Variants in WIPI2 observed in about 807,000 individuals in gnomAD.
The protein encoded by WIPI2 is WD repeat domain phosphoinositide-interacting protein 2.
WIPI2 carries 28 observed loss-of-function variants against 52.3 expected under a neutral mutation model. That is an observed-to-expected ratio of 0.54 (90% confidence interval 0.40 to 0.73). The LOEUF (loss-of-function observed/expected upper bound fraction) is 0.73, where lower values mean the gene tolerates loss of function less well. Ranked by LOEUF, WIPI2 falls within the 30% of genes least tolerant of loss-of-function variation. The pLI, the probability that WIPI2 is intolerant of heterozygous loss-of-function variation, is 0.00. For synonymous variants in WIPI2, 268 were observed against 245.0 expected (o/e 1.09, Z -0.88); for missense variants, 506 against 602.9 (o/e 0.84, Z 1.68).
intron 9 of WIPI2, 187 bp downstream of exon 9, chr7:5,226,117 A>G: frequency 1.7e-6 from 1 of 604,524 alleles, no homozygotes; most frequent in Non-Finnish European, 3.0e-6. Context: ...GGGCCCCAGC[A>G]GATGAGCTTC....
intron 2 of WIPI2, among the ~76,000 whole-genome samples, chr7:5,193,895 T>A (rs1166634743): frequency 6.6e-6 from 1 of 152,134 alleles, no homozygotes; most frequent in Non-Finnish European, 1.5e-5. Flanking sequence ...GTTTCTAAGA[T>A]CCTTCACCCT....
At chr7:5,197,231 C>G (rs909134525) in intron 2 of WIPI2, among the ~76,000 whole-genome samples, 7 of 151,584 alleles carry the variant, frequency 4.6e-5, no homozygotes, top group African/African-American at 1.7e-4. Context: ...ACTTGTCATC[C>G]CTTGTTTTAA....
chr7:5,203,926 T>C lies in WIPI2; in HGVS notation c.211+4268T>C, dbSNP rs561555858. On this transcript the variant is annotated intron_variant, in intron 3 of 12. Coordinates refer to ENST00000288828, the MANE Select transcript of WIPI2 (RefSeq NM_015610.4). ...GCGTGAGCCACCACACCCTGCCACG[T>C]TCAGTCTTTCTTAGTGTCAGCGTGA... is the stretch of plus-strand genomic sequence containing the variant. Among the ~76,000 whole-genome samples the C allele has an allele frequency of 2.0e-4, 30 of 152,132 alleles. No homozygotes were observed. The South Asian group carries it at 5.4e-3, about 27-fold the overall frequency.
chr7:5,216,528 G>A, intron 4 of WIPI2, 35 bp from the exon 5 acceptor site: 1 of 1,588,756 alleles, frequency 6.3e-7, no homozygotes, highest in Non-Finnish European at 8.6e-7. Flanking sequence ...ACTGGCCGTT[G>A]CTTCACGTTT....
chr7:5,202,348 T>C (rs575618268), intron 3 of WIPI2, among the ~76,000 whole-genome samples: 1 of 152,356 alleles, frequency 6.6e-6, no homozygotes, highest in South Asian at 2.1e-4. Flanking sequence ...TTGCAGGAAC[T>C]GCCAGATAGG....
intron 3 of WIPI2, among the ~76,000 whole-genome samples, chr7:5,209,745 C>G (rs1782460988): frequency 6.6e-6 from 1 of 152,028 alleles, no homozygotes; most frequent in African/African-American, 2.4e-5. Context: ...AGGTGACCAG[C>G]CCCCTAAGTG....
chr7:5,216,732 A>G, intron 5 of WIPI2, 73 bp downstream of exon 5: 1 of 1,469,648 alleles, frequency 6.8e-7, no homozygotes, highest in Non-Finnish European at 9.4e-7. Flanking sequence ...GGTGAGAGAG[A>G]TTTTTTCTTT....
At chr7:5,199,535 G>A in intron 2 of WIPI2, 41 bp from the exon 3 acceptor site, 1 of 1,565,658 alleles carries the variant, frequency 6.4e-7, no homozygotes, top group Non-Finnish European at 8.7e-7. Flanking sequence ...GTCACTGTCT[G>A]CACGTATCAG....
rs571486982 is a variant in WIPI2, at chr7:5,216,466, G to C, written c.382-97G>C. 3.9e-5 allele frequency: 36 copies of C among 919,174 alleles called. No individual in the cohort carries two copies. In the African/African-American group the frequency reaches 4.3e-4, roughly 11 times the overall value. 56.9% of individuals were successfully genotyped at this position (919,174 alleles called of 1,614,324 possible). On this transcript the variant is annotated intron_variant, in intron 4 of 12. Coordinates refer to ENST00000288828, the MANE Select transcript of WIPI2 (RefSeq NM_015610.4). Reference sequence around the variant, plus strand: ...AAAATACAATAACAATAGAAGGAATGAGAGCGTCATAGTCCAGGAGTCAGT... The same window carrying C: ...AAAATACAATAACAATAGAAGGAATCAGAGCGTCATAGTCCAGGAGTCAGT...
intron 7 of WIPI2, among the ~76,000 whole-genome samples, chr7:5,221,217 C>T (rs115506057): frequency 0.023 from 3,566 of 152,082 alleles, 137 homozygotes; most frequent in African/African-American, 0.081. Flanking sequence ...TCACCTCGGG[C>T]TCCCAAAGCT....
intron 5 of WIPI2, 132 bp from the exon 6 acceptor site, chr7:5,216,958 A>T (rs1482833138): frequency 9.9e-7 from 1 of 1,008,740 alleles, no homozygotes; most frequent in Non-Finnish European, 1.5e-6. Flanking sequence ...TTCCTAACAC[A>T]GCAAACAAGA....
chr7:5,192,971 A>G (rs955188134), intron 1 of WIPI2, 147 bp from the exon 2 acceptor site: 7 of 699,658 alleles, frequency 1.0e-5, no homozygotes, highest in African/African-American at 1.8e-5. Flanking sequence ...TATTTGTTAC[A>G]TACCAAACTA....
At position 5,229,731 on chromosome 7, in the gene WIPI2, G is replaced by A. The variant is rs34951500; in HGVS notation, c.1245G>A (p.Thr415=). Residue 415 remains threonine (T), a synonymous_variant, in exon 12 of 13, where the codon ACG becomes ACA. Coordinates refer to ENST00000288828, the MANE Select transcript of WIPI2 (RefSeq NM_015610.4). ...GKGTYVPSSP[T]RLAYTDDLGA... is the part of the protein sequence containing the mutation. Reference sequence around the variant, plus strand: ...GTACTTACGTGCCTTCATCCCCAACGAGACTTGGTAAGGGGCGTGACGCAA... The same window carrying A: ...GTACTTACGTGCCTTCATCCCCAACAAGACTTGGTAAGGGGCGTGACGCAA... 15 of 1,613,676 alleles carry A rather than the reference G, an allele frequency of 9.3e-6. No individual in the cohort carries two copies. The highest frequency in any genetic ancestry group is 4.0e-5 in the African/African-American group (3 of 74,884).
At chr7:5,202,687 C>G (rs1045546929) in intron 3 of WIPI2, among the ~76,000 whole-genome samples, 1 of 152,184 alleles carries the variant, frequency 6.6e-6, no homozygotes, top group African/African-American at 2.4e-5. Context: ...CATCCAGCCT[C>G]TCATATGATC....
At chr7:5,216,755 C>A in intron 5 of WIPI2, 96 bp downstream of exon 5, 1 of 1,162,188 alleles carries the variant, frequency 8.6e-7, no homozygotes, top group Non-Finnish European at 1.2e-6. Flanking sequence ...ATAGGTTCCG[C>A]AGATGAGACA....
At chr7:5,222,708 G>A in intron 8 of WIPI2, 36 bp downstream of exon 8, 1 of 1,567,888 alleles carries the variant, frequency 6.4e-7, no homozygotes, top group South Asian at 1.1e-5. Context: ...GATTCTGGAG[G>A]TTGTATTTGG....
At chr7:5,208,419 TTG>T (rs1491130254) in intron 3 of WIPI2, among the ~76,000 whole-genome samples, 1 of 17,908 alleles carries the variant, frequency 5.6e-5, no homozygotes, top group Non-Finnish European at 1.0e-4. Flanking sequence ...CATATTTATG[TTG>T]TTTTTTTTTT....
intron 3 of WIPI2, among the ~76,000 whole-genome samples, chr7:5,212,836 C>T (rs879640698): frequency 1.2e-4 from 19 of 152,230 alleles, no homozygotes; most frequent in Non-Finnish European, 2.1e-4. Context: ...CTTTCTCGCC[C>T]ACCGCCTAGC....
intron 7 of WIPI2, among the ~76,000 whole-genome samples, chr7:5,220,433 G>C (rs1783060010): frequency 6.6e-6 from 1 of 151,796 alleles, no homozygotes; most frequent in Non-Finnish European, 1.5e-5. Flanking sequence ...AGTAGATGGG[G>C]TTTAACCACG....
Sources: allele counts gnomAD v4.1 joint callset (sites outside exome capture counted in the v4.1 genomes callset), GRCh38; gene constraint gnomAD v4.1.1; transcripts MANE v1.5; gene names NCBI Gene and HGNC (gene_info 2026-07-23, HGNC 2026-07-21).